Variants in CAMTA1 observed in about 807,000 individuals in gnomAD.
CAMTA1 encodes calmodulin-binding transcription activator 1.
Under a neutral mutation model 170.9 loss-of-function variants are expected in CAMTA1, and 27 were observed. The observed-to-expected ratio is 0.16, with a 90% CI of 0.12 to 0.22. CAMTA1 has a LOEUF of 0.22. CAMTA1 is among the 10% of genes least tolerant of loss of function. The probability of loss-of-function intolerance (pLI) is 1.00; values close to 1 mark genes in which losing one functional copy is unlikely to be tolerated. For missense variants in CAMTA1, 1,619 were observed against 2,217.2 expected (o/e 0.73, Z 5.42); for synonymous variants, 833 against 891.5 (o/e 0.93, Z 1.17).
intron 4 of CAMTA1, among the ~76,000 whole-genome samples, chr1:7,246,148 T>C (rs1665733335): frequency 6.6e-6 from 1 of 152,342 alleles, no homozygotes; most frequent in Middle Eastern, 3.4e-3. Context: ...CAGCCTGTGC[T>C]AGCCCAGCAG....
chr1:7,147,859 C>T lies in CAMTA1; in HGVS notation c.302+56488C>T, dbSNP rs548015919. ...CTCATATACCATGCACACACACACT[C>T]ATACACCATGCACACACACAAACTC... On this transcript the variant is annotated intron_variant, in intron 4 of 22. Transcript: ENST00000303635. Among the ~76,000 whole-genome samples, 32 of 149,986 alleles carry T rather than the reference C, an allele frequency of 2.1e-4. 1 individual carries two copies. The highest frequency in any genetic ancestry group is 6.7e-4 in the Admixed American group (10 of 15,008).
intron 5 of CAMTA1, among the ~76,000 whole-genome samples, chr1:7,319,431 C>T (rs372227216): frequency 1.1e-4 from 16 of 152,232 alleles, no homozygotes; most frequent in African/African-American, 3.1e-4. Flanking sequence ...CCTCCTGCCC[C>T]GGCCATGTGA....
At chr1:6,845,740 A>G (rs1657845320) in intron 3 of CAMTA1, among the ~76,000 whole-genome samples, 1 of 152,236 alleles carries the variant, frequency 6.6e-6, no homozygotes, top group African/African-American at 2.4e-5. Context: ...GCTAGAGCGT[A>G]GTAACTAAGA....
chr1:7,750,158 T>G (rs2096886133), intron 19 of CAMTA1, among the ~76,000 whole-genome samples: 1 of 152,196 alleles, frequency 6.6e-6, no homozygotes, highest in Non-Finnish European at 1.5e-5. Context: ...CTCTGTAGTC[T>G]GCAGCATTCT....
At position 7,488,565 on chromosome 1, in the gene CAMTA1, CACAT is replaced by C. The variant is rs200880163; in HGVS notation, c.510+20669_510+20672del. ...ACACATACATCTGTACACATGCATG[CACAT>C]ACATCTGTACACATGTGTACACATA... is the stretch of plus-strand genomic sequence containing the variant. On this transcript the variant is annotated intron_variant, in intron 6 of 22. Transcript: ENST00000303635. 1.1e-3 allele frequency among the ~76,000 whole-genome samples: 163 copies of C among 152,240 alleles called. 1 individual carries two copies. In the East Asian group the frequency reaches 0.027, roughly 25 times the overall value.
In CAMTA1 at chr1:7,050,604, C is replaced by T. The variant is rs1296477228; in HGVS notation, c.235-40700C>T. 6.6e-6 allele frequency among the ~76,000 whole-genome samples: 1 copy of T among 152,132 alleles called. No individual in the cohort carries two copies. The highest frequency in any genetic ancestry group is 1.5e-5 in the Non-Finnish European group (1 of 68,022). On this transcript the variant is annotated intron_variant, in intron 3 of 22. Transcript: ENST00000303635. The surrounding 1 kb of genome is among the most constrained non-coding windows in gnomAD (Gnocchi z 4.8). ...AGTTGAGATATCTGTCTCGGCAGTA[C>T]CAGGCTATTTGAACATGTCTTTGTA...
At chr1:7,579,904 T>C (rs955174667) in intron 6 of CAMTA1, among the ~76,000 whole-genome samples, 14 of 152,278 alleles carry the variant, frequency 9.2e-5, no homozygotes, top group Non-Finnish European at 1.3e-4. Context: ...TCTAGAAAAA[T>C]ATGTCCTTCT....
intron 5 of CAMTA1, among the ~76,000 whole-genome samples, chr1:7,392,798 C>A (rs967513123): frequency 2.0e-5 from 3 of 151,928 alleles, no homozygotes; most frequent in Non-Finnish European, 4.4e-5. Flanking sequence ...TGCTTGAACC[C>A]GGAAGGCAGA....
At chr1:7,616,406 G>A (rs2095558962) in intron 6 of CAMTA1, among the ~76,000 whole-genome samples, 1 of 152,212 alleles carries the variant, frequency 6.6e-6, no homozygotes, top group Non-Finnish European at 1.5e-5. Flanking sequence ...AACCACTCAG[G>A]GTTTACCTTA....
chr1:7,667,171 G>A (rs2096008624), intron 9 of CAMTA1, among the ~76,000 whole-genome samples: 1 of 152,136 alleles, frequency 6.6e-6, no homozygotes, highest in Non-Finnish European at 1.5e-5. Flanking sequence ...TTTCGGGCAT[G>A]AGCCACCACA....
chr1:7,697,320 T>C (rs547710020), intron 11 of CAMTA1, among the ~76,000 whole-genome samples: 2 of 152,308 alleles, frequency 1.3e-5, no homozygotes, highest in East Asian at 3.9e-4. Flanking sequence ...ATCCCGGCCG[T>C]ATTCCAGATC....
chr1:7,188,015 T>C (rs965442024), intron 4 of CAMTA1, among the ~76,000 whole-genome samples: 2 of 152,092 alleles, frequency 1.3e-5, no homozygotes, highest in African/African-American at 4.8e-5. Flanking sequence ...AAACTTACAA[T>C]CATGGTGGAA....
At chr1:7,267,392 A>G (rs1053004061) in intron 5 of CAMTA1, among the ~76,000 whole-genome samples, 17 of 152,220 alleles carry the variant, frequency 1.1e-4, no homozygotes, top group Non-Finnish European at 5.9e-5. Context: ...CAGCAGTTCC[A>G]TGGTGAGACC....
At chr1:7,692,547 G>A (rs757173157) in intron 11 of CAMTA1, among the ~76,000 whole-genome samples, 1 of 152,102 alleles carries the variant, frequency 6.6e-6, no homozygotes, top group African/African-American at 2.4e-5. Context: ...GAATGAATGA[G>A]TGAGTAGGTG....
chr1:7,086,579 C>T (rs901953131), intron 3 of CAMTA1, among the ~76,000 whole-genome samples: 26 of 152,180 alleles, frequency 1.7e-4, no homozygotes, highest in African/African-American at 5.6e-4. Flanking sequence ...TCACCCTCTT[C>T]CCCCAACCCT....
At chr1:7,151,585 C>T (rs183753210) in intron 4 of CAMTA1, among the ~76,000 whole-genome samples, 17 of 152,300 alleles carry the variant, frequency 1.1e-4, no homozygotes, top group East Asian at 5.8e-4. Flanking sequence ...AGTGTCTTGA[C>T]GGCACAGCCA....
At position 6,858,489 on chromosome 1, in the gene CAMTA1, G is replaced by GGGA. The variant is rs1483878243; in HGVS notation, c.234+33281_234+33282insAGG. Among the ~76,000 whole-genome samples, 4 of 146,538 alleles carry GGGA rather than the reference G, an allele frequency of 2.7e-5. No individual in the cohort carries two copies. In the East Asian group the frequency reaches 8.0e-4, roughly 29 times the overall value. On this transcript the variant is annotated intron_variant, in intron 3 of 22. Coordinates refer to ENST00000303635, the MANE Select transcript of CAMTA1 (RefSeq NM_015215.4). ...GTGGTGGTGTGTGTGTGTGTGTTGG[G>GGGA]GGGGGGGTGTTGTGATTGTTTTATG...
At chr1:7,596,063 T>TG (rs1234186523) in intron 6 of CAMTA1, among the ~76,000 whole-genome samples, 1 of 152,232 alleles carries the variant, frequency 6.6e-6, no homozygotes, top group East Asian at 1.9e-4. Context: ...CCATCCGTCT[T>TG]GCTCCCTCTG....
intron 1 of CAMTA1, among the ~76,000 whole-genome samples, chr1:6,815,944 A>G (rs1326661598): frequency 1.3e-5 from 2 of 152,206 alleles, no homozygotes; most frequent in African/African-American, 4.8e-5. Context: ...AAACTGGGGA[A>G]GTCAGAGAGT....
Sources: allele counts gnomAD v4.1 joint callset (sites outside exome capture counted in the v4.1 genomes callset), GRCh38; gene constraint gnomAD v4.1.1; non-coding constraint Gnocchi (gnomAD v3.1); transcripts MANE v1.5; gene names NCBI Gene and HGNC (gene_info 2026-07-23, HGNC 2026-07-21).